Variants in CDK19 observed in about 807,000 individuals in gnomAD.
CDK19 encodes cyclin dependent kinase 19.
A neutral mutation model predicts 68.3 loss-of-function variants in CDK19; 20 were observed. The ratio of observed to expected loss-of-function variants is 0.29; its 90% CI spans 0.21 to 0.43. The LOEUF is 0.43. CDK19 is among the 20% of genes least tolerant of loss of function. The pLI, the probability that CDK19 is intolerant of heterozygous loss-of-function variation, is 1.00. For missense variants in CDK19, 339 were observed against 623.5 expected (o/e 0.54, Z 4.86); for synonymous variants, 221 against 222.8 (o/e 0.99, Z 0.07).
intron 2 of CDK19, among the ~76,000 whole-genome samples, chr6:110,683,136 A>C (rs1458633524): frequency 6.8e-6 from 1 of 147,252 alleles, no homozygotes; most frequent in East Asian, 2.0e-4. Flanking sequence ...AGATGGTGCC[A>C]CTGCACTCCA....
chr6:110,713,287 TAGCA>T (rs1424427284), intron 2 of CDK19, among the ~76,000 whole-genome samples: 2 of 151,006 alleles, frequency 1.3e-5, no homozygotes, highest in Non-Finnish European at 2.9e-5. Context: ...TGTTTGTAAC[TAGCA>T]AAACTCCTAG....
intron 1 of CDK19, among the ~76,000 whole-genome samples, chr6:110,746,925 A>G (rs1778113731): frequency 6.6e-6 from 1 of 152,242 alleles, no homozygotes; most frequent in Admixed American, 6.5e-5. Context: ...TATTAACAGT[A>G]TGAGATAAGC....
chr6:110,612,624 A>T lies in CDK19; in HGVS notation c.*1911T>A, dbSNP rs1426576975. ...AGGGTGCAATAAGCATCTGATGACC[A>T]ACAGCTCTGGACAGTGAGGCTTTAG... On this transcript the variant is annotated 3_prime_UTR_variant, in exon 13 of 13. Coordinates refer to ENST00000368911, the MANE Select transcript of CDK19 (RefSeq NM_015076.5). The T allele has an allele frequency of 6.6e-6, 1 of 152,276 alleles. No homozygotes were observed. The highest frequency in any genetic ancestry group is 6.5e-5 in the Admixed American group (1 of 15,282). 9.4% of individuals were successfully genotyped at this position (152,276 alleles called of 1,614,324 possible). A position where few individuals can be genotyped will look rare whatever the true frequency, so the allele number is the denominator to read the frequency against.
At chr6:110,684,801 C>A (rs2114538912) in intron 2 of CDK19, among the ~76,000 whole-genome samples, 1 of 152,280 alleles carries the variant, frequency 6.6e-6, no homozygotes, top group Admixed American at 6.5e-5. Context: ...GTTTACTATA[C>A]CTGCAATGAT....
At chr6:110,797,927 G>A (rs1023549773) in intron 1 of CDK19, among the ~76,000 whole-genome samples, 7 of 142,636 alleles carry the variant, frequency 4.9e-5, no homozygotes, top group Admixed American at 7.6e-5. Context: ...GGAGGCTGCA[G>A]TGAGCCAAGA....
chr6:110,780,509 A>T (rs1383963307), intron 1 of CDK19, among the ~76,000 whole-genome samples: 1 of 151,970 alleles, frequency 6.6e-6, no homozygotes, highest in African/African-American at 2.4e-5. Context: ...AATTTATTTT[A>T]AGACGGTAAT....
chr6:110,666,424 CAAAAAAAA>C (rs57791161), intron 4 of CDK19, among the ~76,000 whole-genome samples: 32 of 47,922 alleles, frequency 6.7e-4, no homozygotes, highest in African/African-American at 1.9e-3. Flanking sequence ...GACTCTGTCT[CAAAAAAAA>C]AAAAAAAAAA....
Position 110,681,766 on chromosome 6 carries a change from G to A in CDK19, c.205-11225C>T, listed in dbSNP as rs151034691. On this transcript the variant is annotated intron_variant, in intron 2 of 12. Transcript: ENST00000368911. ...CAATTAAGTAGACCATTATTTTCCT[G>A]TGTCTCATATTATATGATAACATCT... 2.7e-4 allele frequency among the ~76,000 whole-genome samples: 41 copies of A among 152,226 alleles called. No homozygotes were observed. The East Asian group carries it at 6.7e-3, about 25-fold the overall frequency.
intron 2 of CDK19, among the ~76,000 whole-genome samples, chr6:110,675,644 A>T (rs1259603553): frequency 6.6e-6 from 1 of 151,664 alleles, no homozygotes; most frequent in Non-Finnish European, 1.5e-5. Context: ...AAAAAAAAAA[A>T]AAAAAGAATT....
At chr6:110,688,053 A>G (rs1355031106) in intron 2 of CDK19, among the ~76,000 whole-genome samples, 3 of 152,122 alleles carry the variant, frequency 2.0e-5, no homozygotes, top group African/African-American at 7.2e-5. Flanking sequence ...ATACACTTCA[A>G]ACAAACACCC....
chr6:110,730,190 C>T (rs940379839), intron 2 of CDK19, among the ~76,000 whole-genome samples: 2 of 152,168 alleles, frequency 1.3e-5, no homozygotes, highest in East Asian at 1.9e-4. Context: ...TGAAATCTCA[C>T]GAAGTTTTTC....
intron 2 of CDK19, among the ~76,000 whole-genome samples, chr6:110,676,335 GGTGAAGATGCT>G (rs1257266474): frequency 6.6e-6 from 1 of 152,152 alleles, no homozygotes; most frequent in Admixed American, 6.5e-5. Flanking sequence ...ATCTACTCCT[GGTGAAGATGCT>G]GTAAACACCA....
chr6:110,662,518 A>G (rs1337582864), intron 4 of CDK19, among the ~76,000 whole-genome samples: 2 of 152,246 alleles, frequency 1.3e-5, no homozygotes, highest in Non-Finnish European at 2.9e-5. Context: ...TTGCTAAAGA[A>G]TAATGTGAAA....
At chr6:110,730,155 A>G (rs908895145) in intron 2 of CDK19, among the ~76,000 whole-genome samples, 1 of 152,172 alleles carries the variant, frequency 6.6e-6, no homozygotes, top group Non-Finnish European at 1.5e-5. Context: ...TTATACTCCA[A>G]TTGGAGAGTA....
At chr6:110,809,626 T>C (rs1782928778) in intron 1 of CDK19, among the ~76,000 whole-genome samples, 1 of 152,244 alleles carries the variant, frequency 6.6e-6, no homozygotes, top group Non-Finnish European at 1.5e-5. Flanking sequence ...TCATATAACA[T>C]TACTGTATTT....
intron 2 of CDK19, among the ~76,000 whole-genome samples, chr6:110,681,269 C>A (rs1003180894): frequency 2.0e-5 from 3 of 151,848 alleles, no homozygotes; most frequent in South Asian, 2.1e-4. Flanking sequence ...TCGCTTGAAC[C>A]CGGGAGACAG....
chr6:110,615,065 C>T (rs1419775089), intron 12 of CDK19, among the ~76,000 whole-genome samples: 2 of 152,090 alleles, frequency 1.3e-5, no homozygotes, highest in African/African-American at 2.4e-5. Context: ...TACTGACATG[C>T]TATTATTTTT....
chr6:110,699,844 C>G (rs890831034), intron 2 of CDK19, among the ~76,000 whole-genome samples: 1 of 152,202 alleles, frequency 6.6e-6, no homozygotes, highest in African/African-American at 2.4e-5. Context: ...GTTTGGAAAT[C>G]ATCAAGTCAT....
At chr6:110,803,930 C>T (rs1255611143) in intron 1 of CDK19, among the ~76,000 whole-genome samples, 1 of 152,054 alleles carries the variant, frequency 6.6e-6, no homozygotes, top group East Asian at 1.9e-4. Context: ...GGCTGCACCA[C>T]TTTCAGCCTG....
Sources: gnomAD v4.1 joint callset for allele counts (sites outside exome capture counted in the v4.1 genomes callset) on GRCh38, gnomAD v4.1.1 for gene constraint, MANE v1.5 for transcripts, NCBI Gene and HGNC (gene_info 2026-07-23, HGNC 2026-07-21) for gene names.